The following FLI1 variants were observed in gnomAD, a reference collection of about 807,000 sequenced individuals.
FLI1 encodes the protein Fli-1 proto-oncogene, ETS transcription factor.
Under a neutral mutation model 53.1 loss-of-function variants are expected in FLI1, and 13 were observed. The observed-to-expected ratio is 0.24, with a 90% CI of 0.16 to 0.39. The LOEUF is 0.39. Ranked by LOEUF, FLI1 falls within the 10% of genes least tolerant of loss-of-function variation. The probability of loss-of-function intolerance (pLI) is 1.00; values close to 1 mark genes in which losing one functional copy is unlikely to be tolerated. For missense variants in FLI1, 424 were observed against 600.5 expected, an observed-to-expected ratio of 0.71 and a Z score of 3.07; for synonymous variants, 244 against 236.7, an observed-to-expected ratio of 1.03 and a Z score of -0.28.
chr11:128,782,830 T>C (rs931253727), intron 5 of FLI1, among the ~76,000 whole-genome samples: 4 of 152,226 alleles, frequency 2.6e-5, no homozygotes, highest in Admixed American at 2.6e-4. Flanking sequence ...TTAGTACACG[T>C]CACAATAGAA....
chr11:128,761,625 GGGAA>G (rs1941126183), intron 2 of FLI1, among the ~76,000 whole-genome samples: 1 of 152,040 alleles, frequency 6.6e-6, no homozygotes, highest in Admixed American at 6.5e-5. Context: ...TGTCTCTGGT[GGGAA>G]GGAAGTATGC....
chr11:128,784,216 ACCATCT>A (rs1942012412), intron 5 of FLI1, among the ~76,000 whole-genome samples: 1 of 137,486 alleles, frequency 7.3e-6, no homozygotes, highest in Non-Finnish European at 1.6e-5. Flanking sequence ...TGTGTTGCTA[ACCATCT>A]CCTCCTCCTC....
intron 1 of FLI1, among the ~76,000 whole-genome samples, chr11:128,702,865 G>GAAAA (rs10677310): frequency 0.028 from 3,709 of 134,680 alleles, 169 homozygotes; most frequent in East Asian, 0.22. Flanking sequence ...CTGTCTCAAA[G>GAAAA]AAAAAAAAAA....
At chr11:128,788,093 A>G (rs113366622) in intron 5 of FLI1, among the ~76,000 whole-genome samples, 2,738 of 151,996 alleles carry the variant, frequency 0.018, 85 homozygotes, top group African/African-American at 0.062. Flanking sequence ...CGCTAATTAC[A>G]GTATTTTTGA....
chr11:128,686,586 T>C, exon 1 of FLI1: 1 of 411,640 alleles, frequency 2.4e-6, no homozygotes, highest in Non-Finnish European at 5.0e-6. Flanking sequence ...CGTCTCTCCC[T>C]CGCTCCACTC....
intron 1 of FLI1, among the ~76,000 whole-genome samples, chr11:128,705,399 G>A (rs752303606): frequency 3.9e-5 from 6 of 152,142 alleles, no homozygotes; most frequent in Admixed American, 6.5e-5. Flanking sequence ...AATAGAGAAC[G>A]GCATATTCTT....
At chr11:128,747,672 T>C (rs552391866) in intron 1 of FLI1, among the ~76,000 whole-genome samples, 2 of 152,238 alleles carry the variant, frequency 1.3e-5, no homozygotes, top group Admixed American at 6.5e-5. Context: ...GGCCACCCCC[T>C]ACTTTATTCT....
chr11:128,727,480 C>T (rs934003533), intron 1 of FLI1, among the ~76,000 whole-genome samples: 2 of 152,160 alleles, frequency 1.3e-5, no homozygotes, highest in Non-Finnish European at 2.9e-5. Context: ...TCAACCTTTC[C>T]GTGAGATGCA....
At position 128,694,159 on chromosome 11, in the gene FLI1, C is replaced by T. The variant is rs779080271; in HGVS notation, c.-100C>T. 7.3e-7 allele frequency: 1 copy of T among 1,366,210 alleles called. No homozygotes were observed. The highest frequency in any genetic ancestry group is 9.7e-7 in the Non-Finnish European group (1 of 1,026,300). The allele number at this position is 1,366,210 out of a possible 1,614,324, so 84.6% of individuals were successfully genotyped here. On this transcript the variant is annotated 5_prime_UTR_variant, in exon 1 of 9. Coordinates refer to ENST00000527786, the MANE Select transcript of FLI1 (RefSeq NM_002017.5). ...GGCACGCAGGGAGGGCCCAGGGCGC[C>T]AGGGAGGCCGCGCCGGGCTAATCCG...
intron 1 of FLI1, among the ~76,000 whole-genome samples, chr11:128,736,666 A>AT (rs1464271855): frequency 1.4e-4 from 22 of 152,228 alleles, no homozygotes; most frequent in African/African-American, 5.1e-4. Context: ...CCCAAGGCAA[A>AT]TGTTCAGCAA....
chr11:128,725,534 T>C (rs556366531), intron 1 of FLI1, among the ~76,000 whole-genome samples: 1 of 152,262 alleles, frequency 6.6e-6, no homozygotes, highest in Non-Finnish European at 1.5e-5. Context: ...CTTAAATGTG[T>C]CTAGGAACCT....
intron 2 of FLI1, among the ~76,000 whole-genome samples, chr11:128,760,150 C>T (rs535259501): frequency 1.3e-5 from 2 of 152,342 alleles, no homozygotes; most frequent in South Asian, 2.1e-4. Context: ...AGTCGAAGGA[C>T]ATGGTGTGTT....
upstream of FLI1, among the ~76,000 whole-genome samples, chr11:128,689,350 G>T (rs1293235819): frequency 6.6e-6 from 1 of 152,196 alleles, no homozygotes; most frequent in Non-Finnish European, 1.5e-5. Flanking sequence ...CTTCTCGCCC[G>T]TCCTCCGCCC....
intron 5 of FLI1, among the ~76,000 whole-genome samples, chr11:128,798,122 T>A (rs1425919532): frequency 6.6e-6 from 1 of 152,350 alleles, no homozygotes; most frequent in East Asian, 1.9e-4. Context: ...TGAACTGTTA[T>A]GTTTTCTTCT....
chr11:128,795,067 C>T (rs1942391850), intron 5 of FLI1, among the ~76,000 whole-genome samples: 1 of 152,156 alleles, frequency 6.6e-6, no homozygotes. Context: ...CAGAGTGAGG[C>T]CCTGTTTCAA....
intron 3 of FLI1, among the ~76,000 whole-genome samples, chr11:128,770,286 G>A (rs919504944): frequency 4.6e-5 from 7 of 152,196 alleles, no homozygotes; most frequent in African/African-American, 1.7e-4. Context: ...GCACTTTCAG[G>A]CTATGGATTT....
chr11:128,730,037 T>G (rs1939630005), intron 1 of FLI1, among the ~76,000 whole-genome samples: 1 of 152,208 alleles, frequency 6.6e-6, no homozygotes, highest in African/African-American at 2.4e-5. Context: ...TCATTCATGT[T>G]GCCAGAGCTA....
At chr11:128,756,376 C>T (rs1332137255) in intron 1 of FLI1, among the ~76,000 whole-genome samples, 1 of 152,134 alleles carries the variant, frequency 6.6e-6, no homozygotes, top group African/African-American at 2.4e-5. Context: ...GTCCAAATTC[C>T]CTCTTCTTAT....
chr11:128,778,365 C>A (rs1252368956), intron 4 of FLI1, among the ~76,000 whole-genome samples: 1 of 152,236 alleles, frequency 6.6e-6, no homozygotes, highest in African/African-American at 2.4e-5. Context: ...CTCCACCCCA[C>A]AACCGCTTCC....
Sources: allele counts gnomAD v4.1 joint callset (sites outside exome capture counted in the v4.1 genomes callset), GRCh38; gene constraint gnomAD v4.1.1; transcripts MANE v1.5; gene names NCBI Gene and HGNC (gene_info 2026-07-23, HGNC 2026-07-21).